Variants in SPHKAP observed in about 807,000 individuals in gnomAD.
SPHKAP encodes SPHK1 interactor, AKAP domain containing, also known as A-kinase anchor protein SPHKAP.
SPHKAP carries 67 observed loss-of-function variants against 137.5 expected under a neutral mutation model. The ratio of observed to expected loss-of-function variants is 0.49; its 90% CI spans 0.40 to 0.60. The LOEUF is 0.60. Among genes scored for constraint, SPHKAP ranks in the 20% least tolerant of loss-of-function variants. The pLI, the probability that SPHKAP is intolerant of heterozygous loss-of-function variation, is 0.00. For synonymous variants in SPHKAP, 813 were observed against 785.3 expected (o/e 1.04, Z -0.59); for missense variants, 2,097 against 2,069.3 (o/e 1.01, Z -0.26).
chr2:228,055,635 C>T (rs1387519884), intron 3 of SPHKAP, among the ~76,000 whole-genome samples: 1 of 152,136 alleles, frequency 6.6e-6, no homozygotes, highest in Non-Finnish European at 1.5e-5. Flanking sequence ...AGTTCCAGCT[C>T]AGAGGTTAAG....
chr2:228,015,461 G>C (rs146575066), intron 7 of SPHKAP, among the ~76,000 whole-genome samples: 5,383 of 152,046 alleles, frequency 0.035, 137 homozygotes, highest in Middle Eastern at 0.065. Context: ...TGGGTCAAAT[G>C]GTATTTCTAG....
intron 7 of SPHKAP, among the ~76,000 whole-genome samples, chr2:228,004,358 T>TA (rs1694041402): frequency 6.6e-6 from 1 of 152,228 alleles, no homozygotes; most frequent in Non-Finnish European, 1.5e-5. Context: ...TAGAGGTGTT[T>TA]ATAGTATTCT....
intron 3 of SPHKAP, among the ~76,000 whole-genome samples, chr2:228,055,275 A>C (rs1471766688): frequency 1.3e-5 from 2 of 152,178 alleles, no homozygotes; most frequent in African/African-American, 4.8e-5. Flanking sequence ...GAAATGGAGA[A>C]GATAAGAAAG....
intron 3 of SPHKAP, among the ~76,000 whole-genome samples, chr2:228,070,239 T>C (rs1350048528): frequency 1.3e-5 from 2 of 152,182 alleles, no homozygotes; most frequent in Non-Finnish European, 2.9e-5. Context: ...TAATGATTCA[T>C]ATAATAAAAT....
At chr2:227,993,390 G>T (rs151113443) in intron 9 of SPHKAP, 144 bp downstream of exon 9, 15 of 752,054 alleles carry the variant, frequency 2.0e-5, no homozygotes, top group Non-Finnish European at 2.9e-5. Flanking sequence ...TTCTAGGCTT[G>T]AATTCTTCCT....
At chr2:227,990,508 A>G (rs576836184) in intron 11 of SPHKAP, among the ~76,000 whole-genome samples, 1 of 152,248 alleles carries the variant, frequency 6.6e-6, no homozygotes, top group African/African-American at 2.4e-5. Context: ...TTGGCCAAGG[A>G]TCTCTTCCCT....
At chr2:228,073,622 G>A (rs1436000751) in intron 3 of SPHKAP, among the ~76,000 whole-genome samples, 1 of 152,168 alleles carries the variant, frequency 6.6e-6, no homozygotes, top group East Asian at 1.9e-4. Flanking sequence ...TGAATGTATT[G>A]CTCAGATTTT....
intron 2 of SPHKAP, among the ~76,000 whole-genome samples, chr2:228,113,297 T>G (rs1466315674): frequency 6.6e-6 from 1 of 152,122 alleles, no homozygotes; most frequent in Non-Finnish European, 1.5e-5. Context: ...TGGGCTAACA[T>G]CCTAACCTAC....
intron 3 of SPHKAP, among the ~76,000 whole-genome samples, chr2:228,048,613 T>C (rs1487124723): frequency 1.3e-5 from 2 of 152,166 alleles, no homozygotes; most frequent in African/African-American, 4.8e-5. Context: ...TGTTCAGGTA[T>C]CTCTAGACTC....
At chr2:228,053,182 C>T (rs767409167) in intron 3 of SPHKAP, among the ~76,000 whole-genome samples, 2 of 152,058 alleles carry the variant, frequency 1.3e-5, no homozygotes, top group Admixed American at 1.3e-4. Flanking sequence ...CCTGGTGTCT[C>T]TTCTTCTTTT....
Position 228,016,750 on chromosome 2 carries a change from G to T in SPHKAP, c.4104C>A (p.Leu1368=). Residue 1368 remains leucine (L), a synonymous_variant, in exon 7 of 12, where the codon CTC becomes CTA. Coordinates refer to ENST00000392056, the MANE Select transcript of SPHKAP (RefSeq NM_001142644.2). The part of the protein sequence containing the change: ...SGPTLLVQES[L]DCPRKDSVTE... The stretch of plus-strand genomic sequence containing the variant: ...TAACAGAGTCTTTCCTCGGGCAATC[G>T]AGAGACTCCTGAACAAGCAGAGTTG... 6.2e-7 allele frequency: 1 copy of T among 1,614,046 alleles called. No homozygotes were observed. The highest frequency in any genetic ancestry group is 8.5e-7 in the Non-Finnish European group (1 of 1,180,012).
At chr2:228,171,783 T>C (rs1001195041) in intron 1 of SPHKAP, among the ~76,000 whole-genome samples, 4 of 152,144 alleles carry the variant, frequency 2.6e-5, no homozygotes, top group African/African-American at 7.2e-5. Context: ...TCTTACTCCA[T>C]TGAGAGTCTT....
intron 7 of SPHKAP, among the ~76,000 whole-genome samples, chr2:228,004,461 G>A (rs574707080): frequency 3.9e-5 from 6 of 151,966 alleles, no homozygotes; most frequent in Admixed American, 3.9e-4. Context: ...TTCTTTATTA[G>A]TCTTGCTAGC....
intron 2 of SPHKAP, among the ~76,000 whole-genome samples, chr2:228,118,957 C>A (rs1260952365): frequency 1.3e-5 from 2 of 152,046 alleles, no homozygotes; most frequent in African/African-American, 4.8e-5. Flanking sequence ...GCATATATGT[C>A]AGATAATGAA....
intron 3 of SPHKAP, among the ~76,000 whole-genome samples, chr2:228,055,170 A>AGATTGTAG (rs1366326064): frequency 3.4e-5 from 5 of 145,482 alleles, no homozygotes; most frequent in Non-Finnish European, 7.6e-5. Context: ...GTGGTTTGAA[A>AGATTGTAG]GATTGTAGGA....
intron 3 of SPHKAP, among the ~76,000 whole-genome samples, chr2:228,079,498 A>T (rs776921159): frequency 1.3e-5 from 2 of 152,206 alleles, no homozygotes; most frequent in Non-Finnish European, 2.9e-5. Flanking sequence ...CCACTCCTGC[A>T]AGATCCAGGC....
chr2:228,010,720 C>T (rs553653350), intron 7 of SPHKAP, among the ~76,000 whole-genome samples: 11 of 151,934 alleles, frequency 7.2e-5, no homozygotes, highest in African/African-American at 2.7e-4. Flanking sequence ...TTATACTTTT[C>T]GTCTTTGTGG....
intron 3 of SPHKAP, among the ~76,000 whole-genome samples, chr2:228,058,142 G>A (rs1696508800): frequency 6.6e-6 from 1 of 152,114 alleles, no homozygotes; most frequent in African/African-American, 2.4e-5. Context: ...TCTGTGACCA[G>A]AAACAAAAGC....
chr2:228,152,169 T>C (rs1230090537), intron 1 of SPHKAP, among the ~76,000 whole-genome samples: 3 of 152,222 alleles, frequency 2.0e-5, no homozygotes, highest in African/African-American at 4.8e-5. Flanking sequence ...AAATGTTACA[T>C]ACTTTCTAAA....
Sources: gnomAD v4.1 joint callset for allele counts (sites outside exome capture counted in the v4.1 genomes callset) on GRCh38, gnomAD v4.1.1 for gene constraint, MANE v1.5 for transcripts, NCBI Gene and HGNC (gene_info 2026-07-23, HGNC 2026-07-21) for gene names.